MADD: variants seen among roughly 807,000 people sequenced by gnomAD.
MADD encodes the protein MAP kinase activating death domain.
MADD carries 109 observed loss-of-function variants against 176.7 expected under a neutral mutation model. The observed-to-expected ratio is 0.62, with a 90% CI of 0.53 to 0.72. MADD has a LOEUF of 0.72. MADD is among the 30% of genes least tolerant of loss of function. The probability of loss-of-function intolerance (pLI) is 0.00; values close to 1 mark genes in which losing one functional copy is unlikely to be tolerated. For synonymous variants in MADD, 771 were observed against 771.3 expected (o/e 1.00, Z 0.01); for missense variants, 1,914 against 2,045.5 (o/e 0.94, Z 1.24).
chr11:47,271,860 T>C (rs1225235396), intron 1 of MADD: 4 of 152,158 alleles, frequency 2.6e-5, no homozygotes, highest in Non-Finnish European at 5.9e-5. Context: ...AGGAGCTGAG[T>C]GCGGCTCTGT....
At chr11:47,328,486 G>A in intron 31 of MADD, 172 bp from the exon 36 acceptor site, 1 of 1,484,092 alleles carries the variant, frequency 6.7e-7, no homozygotes, top group Non-Finnish European at 8.9e-7. Flanking sequence ...GCAGAGTCTG[G>A]ACAGAGCCTC....
chr11:47,319,989 G>A (rs537219101), intron 27 of MADD, among the ~76,000 whole-genome samples: 4 of 17,698 alleles, frequency 2.3e-4, no homozygotes, highest in South Asian at 1.9e-3. Context: ...AGACTCCATC[G>A]CAAAAAAAAA....
chr11:47,322,958 C>T (rs992226747), intron 27 of MADD, among the ~76,000 whole-genome samples: 42 of 152,104 alleles, frequency 2.8e-4, no homozygotes, highest in African/African-American at 9.9e-4. Flanking sequence ...AATAACTGGG[C>T]CGGGCGCGGT....
At position 47,299,585 on chromosome 11, in the gene MADD, C is replaced by CTTTTTT. The variant is rs1185948034; in HGVS notation, c.3642+3552_3642+3557dup. Among the ~76,000 whole-genome samples the CTTTTTT allele has an allele frequency of 1.3e-3, 52 of 41,510 alleles. 15 individuals carry two copies. Among genetic ancestry groups the CTTTTTT allele is most frequent in the African/African-American group, 5.2e-3 (49 of 9,406 alleles). 27.2% of individuals were successfully genotyped at this position (41,510 alleles called of 152,430 possible). On this transcript the variant is annotated intron_variant, in intron 22 of 32. Coordinates refer to ENST00000402192, the Ensembl canonical transcript of MADD. Reference sequence around the variant, plus strand: ...GAGTTTTCTAGTGGAGATTTTAGGGCTTTTTTTTTTTTTTTTTTTTTTTTT... The same window carrying CTTTTTT: ...GAGTTTTCTAGTGGAGATTTTAGGGCTTTTTTTTTTTTTTTTTTTTTTTTTTTTTTT...
At chr11:47,315,352 C>T (rs2092428272) in intron 27 of MADD, 25 bp downstream of exon 30, 1 of 1,438,948 alleles carries the variant, frequency 6.9e-7, no homozygotes, top group Non-Finnish European at 9.8e-7. Flanking sequence ...ATGCTGGGGG[C>T]CCAAAGGGCT....
chr11:47,322,527 G>T (rs1014143296), intron 27 of MADD, among the ~76,000 whole-genome samples: 1 of 152,004 alleles, frequency 6.6e-6, no homozygotes, highest in Non-Finnish European at 1.5e-5. Context: ...CAGGAGAATG[G>T]CGTGAACCTG....
chr11:47,279,184 G>A, intron 7 of MADD, 105 bp downstream of exon 7: 5 of 1,097,780 alleles, frequency 4.6e-6, no homozygotes, highest in Non-Finnish European at 6.7e-6. Flanking sequence ...TTCAAGTGGA[G>A]TAGTTTTCTT....
At chr11:47,284,964 G>C in exon 13 of MADD, 1 of 1,613,858 alleles carries the variant, frequency 6.2e-7, no homozygotes, top group Non-Finnish European at 8.5e-7. Flanking sequence ...CTACGGAGAT[G>C]GATGATAAGG....
chr11:47,289,160 C>T lies in MADD; in HGVS notation c.2654-231C>T, dbSNP rs533025247. 9.7e-6 allele frequency: 9 copies of T among 924,274 alleles called. No individual in the cohort carries two copies. The Admixed American group carries it at 9.9e-5, about 10-fold the overall frequency. The allele number at this position is 924,274 out of a possible 1,614,324, so 57.3% of individuals were successfully genotyped here. ...CCTGCTTGCCCCGTCCCCCGTGACG[C>T]CCATGCTTGCCCATGGGGCTTGCTG... On this transcript the variant is annotated intron_variant, in intron 15 of 32. Transcript: ENST00000402192.
chr11:47,280,261 T>C (rs2136960424), intron 7 of MADD, among the ~76,000 whole-genome samples: 1 of 152,312 alleles, frequency 6.6e-6, no homozygotes, highest in Middle Eastern at 3.4e-3. Context: ...TAGGAATCCC[T>C]GCTCTCATTT....
chr11:47,273,814 T>C lies in MADD; in HGVS notation c.-88-13T>C. The C allele has an allele frequency of 1.0e-6, 1 of 1,000,058 alleles. No individual in the cohort carries two copies. The highest frequency in any genetic ancestry group is 1.6e-6 in the Non-Finnish European group (1 of 636,242). The allele number at this position is 1,000,058 out of a possible 1,614,324, so 61.9% of individuals were successfully genotyped here. A position where few individuals can be genotyped will look rare whatever the true frequency, so the allele number is the denominator to read the frequency against. ...ACAGCAGTGGATCTTATCAGTACTT[T>C]TTTTCCTATTAGACTTCGATTTTCA... On this transcript the variant is annotated splice_polypyrimidine_tract_variant and intron_variant, in intron 1 of 32. Coordinates refer to ENST00000402192, the Ensembl canonical transcript of MADD.
At chr11:47,284,906 C>T in intron 12 of MADD, 35 bp from the exon 13 acceptor site, 1 of 1,610,130 alleles carries the variant, frequency 6.2e-7, no homozygotes, top group Non-Finnish European at 8.5e-7. Context: ...CCATTGGGCA[C>T]CAGGTAACCA....
intron 20 of MADD, among the ~76,000 whole-genome samples, chr11:47,294,706 A>G (rs1470350954): frequency 2.0e-5 from 3 of 151,636 alleles, no homozygotes; most frequent in African/African-American, 7.3e-5. Flanking sequence ...AACAACCTCA[A>G]AACAATATAA....
At position 47,284,931 on chromosome 11, in the gene MADD, C is replaced by T. The variant is rs377090216; in HGVS notation, c.2158-10C>T. ...CCAGGTAACCACTTTTAATTTCATG[C>T]GGCCTTTAGGAACCTGCTGACTCTA... On this transcript the variant is annotated splice_polypyrimidine_tract_variant and intron_variant, in intron 12 of 32. Transcript: ENST00000402192. 23 of 1,612,842 alleles carry T rather than the reference C, an allele frequency of 1.4e-5. No homozygotes were observed. The highest frequency in any genetic ancestry group is 3.3e-4 in the Middle Eastern group (2 of 6,080).
At chr11:47,281,830 A>G (rs1407676100) in intron 8 of MADD, 77 bp downstream of exon 8, 4 of 727,652 alleles carry the variant, frequency 5.5e-6, no homozygotes, top group Non-Finnish European at 7.7e-6. Flanking sequence ...GGGGCAGACT[A>G]TTTCTCTGAA....
chr11:47,285,663 G>A, intron 14 of MADD, 73 bp downstream of exon 14: 1 of 1,596,152 alleles, frequency 6.3e-7, no homozygotes, highest in Non-Finnish European at 8.6e-7. Flanking sequence ...TATGGCAAAT[G>A]TTGCTTAGAA....
At chr11:47,290,874 C>T (rs1358918038) in intron 19 of MADD, 58 bp downstream of exon 20, 6 of 1,345,648 alleles carry the variant, frequency 4.5e-6, no homozygotes, top group Non-Finnish European at 6.2e-6. Context: ...ATATCCCTTT[C>T]TCCTCAATTC....
intron 7 of MADD, among the ~76,000 whole-genome samples, chr11:47,281,003 C>T (rs1269968063): frequency 3.9e-5 from 6 of 152,222 alleles, no homozygotes. Context: ...TGCAGGATCA[C>T]TCCAGGCATA....
At chr11:47,307,477 G>C (rs898964372) in intron 22 of MADD, among the ~76,000 whole-genome samples, 2 of 152,026 alleles carry the variant, frequency 1.3e-5, no homozygotes, top group Admixed American at 1.3e-4. Flanking sequence ...ATTATATAAA[G>C]TCACGTGATC....
Sources: allele counts gnomAD v4.1 joint callset (sites outside exome capture counted in the v4.1 genomes callset), GRCh38; gene constraint gnomAD v4.1.1; transcripts MANE v1.5; gene names NCBI Gene and HGNC (gene_info 2026-07-23, HGNC 2026-07-21).